The following HS3ST4 variants were observed in gnomAD, a reference collection of about 807,000 sequenced individuals.
The protein encoded by HS3ST4 is heparan sulfate glucosamine 3-O-sulfotransferase 4.
A neutral mutation model predicts 29.2 loss-of-function variants in HS3ST4; 17 were observed. That is an observed-to-expected ratio of 0.58 (90% confidence interval 0.40 to 0.87). The LOEUF (loss-of-function observed/expected upper bound fraction) is 0.87. HS3ST4 is among the 40% of genes least tolerant of loss of function. The pLI is 0.00. For missense variants in HS3ST4, 627 were observed against 634.5 expected, an observed-to-expected ratio of 0.99 and a Z score of 0.13; for synonymous variants, 314 against 285.7, an observed-to-expected ratio of 1.10 and a Z score of -1.00.
Position 25,952,768 on chromosome 16 carries a change from C to T in HS3ST4, c.735-182844C>T, listed in dbSNP as rs913123469. On this transcript the variant is annotated intron_variant, in intron 1 of 1. Transcript: ENST00000331351. ...TTCATCTTTAAAATGGTGCCAAACC[C>T]GCCTCATACAGGGCTTGGGAATTTT... 1.9e-4 allele frequency among the ~76,000 whole-genome samples: 29 copies of T among 152,270 alleles called. 1 individual carries two copies. The highest frequency in any genetic ancestry group is 5.5e-4 in the African/African-American group (23 of 41,550).
intron 1 of HS3ST4, among the ~76,000 whole-genome samples, chr16:25,972,228 T>C (rs560684454): frequency 2.0e-4 from 31 of 152,330 alleles, no homozygotes; most frequent in African/African-American, 7.5e-4. Context: ...GGCGGTTGTA[T>C]GGGCTAGCTA....
intron 1 of HS3ST4, among the ~76,000 whole-genome samples, chr16:26,104,540 A>T (rs1418119645): frequency 6.6e-6 from 1 of 152,084 alleles, no homozygotes; most frequent in Non-Finnish European, 1.5e-5. Flanking sequence ...GAGCCCCAGG[A>T]CTCAGTCCTC....
intron 1 of HS3ST4, among the ~76,000 whole-genome samples, chr16:25,719,164 T>G (rs974886258): frequency 2.6e-5 from 4 of 152,188 alleles, no homozygotes; most frequent in African/African-American, 9.7e-5. Flanking sequence ...ACTAAAGATA[T>G]CTCTAAAGGT....
intron 1 of HS3ST4, among the ~76,000 whole-genome samples, chr16:25,892,828 G>C (rs901524139): frequency 1.3e-5 from 2 of 152,056 alleles, no homozygotes; most frequent in Non-Finnish European, 2.9e-5. Flanking sequence ...CCTATGCACT[G>C]GGCATGTTTC....
chr16:25,835,993 G>A (rs974044730), intron 1 of HS3ST4, among the ~76,000 whole-genome samples: 9 of 152,116 alleles, frequency 5.9e-5, no homozygotes, highest in Admixed American at 3.9e-4. Context: ...GCATTCCGGA[G>A]GGCTGGGTGG....
At chr16:25,962,441 C>T (rs1023348554) in intron 1 of HS3ST4, among the ~76,000 whole-genome samples, 7 of 152,166 alleles carry the variant, frequency 4.6e-5, no homozygotes, top group Non-Finnish European at 8.8e-5. Context: ...CCTCAGTGTT[C>T]TCATCTTTAA....
At chr16:25,908,124 G>A (rs1016340224) in intron 1 of HS3ST4, among the ~76,000 whole-genome samples, 1 of 152,226 alleles carries the variant, frequency 6.6e-6, no homozygotes, top group African/African-American at 2.4e-5. Flanking sequence ...GCAGTAGAAT[G>A]TCTGGCTGAT....
chr16:25,906,694 G>C (rs551504129), intron 1 of HS3ST4, among the ~76,000 whole-genome samples: 18 of 152,180 alleles, frequency 1.2e-4, no homozygotes, highest in Non-Finnish European at 2.5e-4. Context: ...GAACACACTA[G>C]AACTTAGTGT....
intron 1 of HS3ST4, among the ~76,000 whole-genome samples, chr16:26,123,377 C>A (rs987093191): frequency 6.6e-6 from 1 of 152,126 alleles, no homozygotes; most frequent in African/African-American, 2.4e-5. Flanking sequence ...ATGCACCTGG[C>A]CAGCTTCCAA....
chr16:25,916,673 C>CTTTTTTT (rs34339195), intron 1 of HS3ST4, among the ~76,000 whole-genome samples: 10 of 92,162 alleles, frequency 1.1e-4, no homozygotes, highest in African/African-American at 2.6e-4. Context: ...CAAATGCATT[C>CTTTTTTT]TTTTTTTTTT....
intron 1 of HS3ST4, among the ~76,000 whole-genome samples, chr16:25,940,115 A>G (rs372916301): frequency 6.6e-6 from 1 of 152,058 alleles, no homozygotes; most frequent in East Asian, 1.9e-4. Context: ...TTTCCCAGCT[A>G]TTCTGGGAAC....
At chr16:26,115,486 A>C (rs1325599291) in intron 1 of HS3ST4, among the ~76,000 whole-genome samples, 3 of 152,060 alleles carry the variant, frequency 2.0e-5, no homozygotes, top group Non-Finnish European at 4.4e-5. Flanking sequence ...TGGCTGATGG[A>C]GATGGCTGAA....
intron 1 of HS3ST4, among the ~76,000 whole-genome samples, chr16:25,902,940 A>G (rs1041861967): frequency 2.0e-5 from 3 of 151,848 alleles, no homozygotes; most frequent in African/African-American, 7.3e-5. Flanking sequence ...CATACAAAAA[A>G]ATACAAAAAT....
chr16:26,136,874 A>C lies in HS3ST4; in HGVS notation c.*626A>C, dbSNP rs1429185770. On this transcript the variant is annotated 3_prime_UTR_variant, in exon 2 of 2. Transcript: ENST00000331351. Reference sequence around the variant, plus strand: ...TTCCTCACTGAAAAAGAAAACACACACCCACCCACACACACACACACAGAA... The same window carrying C: ...TTCCTCACTGAAAAAGAAAACACACCCCCACCCACACACACACACACAGAA... The C allele has an allele frequency of 2.0e-5, 3 of 153,236 alleles. 1 individual carries two copies. In the Middle Eastern group the frequency reaches 0.01, roughly 514 times the overall value. 9.5% of individuals were successfully genotyped at this position (153,236 alleles called of 1,614,324 possible). A position where few individuals can be genotyped will look rare whatever the true frequency, so the allele number is the denominator to read the frequency against.
At chr16:25,999,873 T>TTA (rs1183060249) in intron 1 of HS3ST4, among the ~76,000 whole-genome samples, 2 of 125,752 alleles carry the variant, frequency 1.6e-5, no homozygotes, top group Admixed American at 9.2e-5. Flanking sequence ...ATTATATATT[T>TTA]TATATATATT....
At chr16:25,841,241 G>A (rs1434727447) in intron 1 of HS3ST4, among the ~76,000 whole-genome samples, 1 of 151,984 alleles carries the variant, frequency 6.6e-6, no homozygotes, top group African/African-American at 2.4e-5. Flanking sequence ...TCCTGACCTC[G>A]TGATCCACCC....
chr16:25,921,578 T>G (rs1003572707), intron 1 of HS3ST4, among the ~76,000 whole-genome samples: 3 of 152,132 alleles, frequency 2.0e-5, no homozygotes, highest in African/African-American at 7.2e-5. Context: ...TTATGGAGAC[T>G]GAAGGATTTT....
At chr16:25,804,394 T>C (rs1478366198) in intron 1 of HS3ST4, among the ~76,000 whole-genome samples, 1 of 152,226 alleles carries the variant, frequency 6.6e-6, no homozygotes, top group Non-Finnish European at 1.5e-5. Flanking sequence ...CCACCTTTAA[T>C]GTTTTAATCC....
At chr16:25,913,945 GGTGT>G (rs1348897137) in intron 1 of HS3ST4, among the ~76,000 whole-genome samples, 20 of 149,066 alleles carry the variant, frequency 1.3e-4, no homozygotes, top group African/African-American at 4.7e-4. Context: ...GTGTGTGTGT[GGTGT>G]GTGTGTAAGT....
Sources: allele counts gnomAD v4.1 joint callset (sites outside exome capture counted in the v4.1 genomes callset), GRCh38; gene constraint gnomAD v4.1.1; transcripts MANE v1.5; gene names NCBI Gene and HGNC (gene_info 2026-07-23, HGNC 2026-07-21).